The following A1CF variants were observed in gnomAD, a reference collection of about 807,000 sequenced individuals.
The protein encoded by A1CF is APOBEC-1 stimulating protein.
Under a neutral mutation model 68.9 loss-of-function variants are expected in A1CF, and 48 were observed. The ratio of observed to expected loss-of-function variants is 0.70; its 90% confidence interval spans 0.55 to 0.89. A1CF has a LOEUF of 0.89. A1CF is among the 40% of genes least tolerant of loss of function. A1CF has a pLI of 0.00. For missense variants in A1CF, 653 were observed against 718.9 expected (o/e 0.91, Z 1.05); for synonymous variants, 272 against 260.4 (o/e 1.04, Z -0.43).
intron 7 of A1CF, among the ~76,000 whole-genome samples, chr10:50,825,866 TG>T (rs1171739033): frequency 2.0e-5 from 3 of 152,176 alleles, no homozygotes; most frequent in Non-Finnish European, 4.4e-5. Flanking sequence ...GGTTCTCAAC[TG>T]GGGGCAATTT....
intron 3 of A1CF, among the ~76,000 whole-genome samples, chr10:50,849,836 C>G (rs1187014935): frequency 6.8e-6 from 1 of 147,080 alleles, no homozygotes; most frequent in Non-Finnish European, 1.5e-5. Flanking sequence ...CTCTGTCGCC[C>G]AGGCTGGAGT....
In A1CF at chr10:50,801,116, T is replaced by C; in HGVS notation, c.*5613A>G. ...TAATAATGACTAGCTTGCTCTGCCA[T>C]ATGAAGGCAGAACTCAGGACTCACA... On this transcript the variant is annotated 3_prime_UTR_variant, in exon 13 of 13. Coordinates refer to ENST00000373997, the MANE Select transcript of A1CF (RefSeq NM_014576.4). 1 of 152,302 alleles carries C rather than the reference T, an allele frequency of 6.6e-6. No homozygotes were observed. The highest frequency in any genetic ancestry group is 1.5e-5 in the Non-Finnish European group (1 of 68,094). 9.4% of individuals were successfully genotyped at this position (152,302 alleles called of 1,614,324 possible). A position where few individuals can be genotyped will look rare whatever the true frequency, so the allele number is the denominator to read the frequency against.
At chr10:50,835,497 G>A (rs1180000173) in intron 6 of A1CF, among the ~76,000 whole-genome samples, 1 of 152,164 alleles carries the variant, frequency 6.6e-6, no homozygotes, top group Non-Finnish European at 1.5e-5. Flanking sequence ...GACCGAGGCA[G>A]TGTTGGGGTG....
chr10:50,862,481 T>C (rs1275071079), intron 2 of A1CF, among the ~76,000 whole-genome samples: 1 of 152,176 alleles, frequency 6.6e-6, no homozygotes, highest in Non-Finnish European at 1.5e-5. Context: ...TATATAAACA[T>C]GGATATTCTT....
intron 1 of A1CF, among the ~76,000 whole-genome samples, chr10:50,882,136 T>G (rs1841804519): frequency 6.6e-6 from 1 of 152,128 alleles, no homozygotes; most frequent in Non-Finnish European, 1.5e-5. Context: ...TTCTAAGTGG[T>G]CATTAAAACT....
At chr10:50,821,124 T>C (rs888847679) in intron 7 of A1CF, among the ~76,000 whole-genome samples, 2 of 152,198 alleles carry the variant, frequency 1.3e-5, no homozygotes, top group East Asian at 3.8e-4. Flanking sequence ...GTAACTACAG[T>C]TCTGACAAGG....
chr10:50,880,859 T>C (rs1841737216), intron 1 of A1CF, among the ~76,000 whole-genome samples: 1 of 152,238 alleles, frequency 6.6e-6, no homozygotes, highest in Admixed American at 6.5e-5. Context: ...TTCACTGTGT[T>C]AGTCACAGCA....
In A1CF at chr10:50,828,009, C is replaced by T. The variant is rs1418960538; in HGVS notation, c.769+122G>A. ...CTACCGTCAGAGAATACTATAAACA[C>T]CTCTATGCAAATAAACTAGAAATCT... On this transcript the variant is annotated intron_variant, in intron 7 of 12. Transcript: ENST00000373997. 3.4e-5 allele frequency: 22 copies of T among 640,178 alleles called. No individual in the cohort carries two copies. The South Asian group carries it at 4.6e-4, about 13-fold the overall frequency. 39.7% of individuals were successfully genotyped at this position (640,178 alleles called of 1,614,324 possible).
chr10:50,831,302 T>A (rs1423950172), intron 6 of A1CF, among the ~76,000 whole-genome samples: 2 of 151,924 alleles, frequency 1.3e-5, no homozygotes, highest in African/African-American at 4.8e-5. Context: ...AAGGAAACAA[T>A]CAATGGAGTG....
At chr10:50,851,956 T>C (rs566466910) in intron 3 of A1CF, among the ~76,000 whole-genome samples, 59 of 152,358 alleles carry the variant, frequency 3.9e-4, no homozygotes, top group African/African-American at 1.4e-3. Context: ...TTGCATCTCA[T>C]AATGCTAAGC....
chr10:50,855,159 G>A (rs1042154478), intron 3 of A1CF, among the ~76,000 whole-genome samples: 4 of 151,918 alleles, frequency 2.6e-5, no homozygotes, highest in Admixed American at 2.6e-4. Flanking sequence ...CAGGTGAGAG[G>A]AGCATCACAT....
Position 50,806,800 on chromosome 10 carries a change from C to T in A1CF, c.1690G>A (p.Ala564Thr), listed in dbSNP as rs1159251349. Residue 564 changes from alanine (A) to threonine (T), a missense_variant, in exon 13 of 13, where the codon GCA becomes ACA. Coordinates refer to ENST00000373997, the MANE Select transcript of A1CF (RefSeq NM_014576.4). Reference protein sequence around the residue: ...QAVTLGQDLAAYTTYEVYPTF... With the variant: ...QAVTLGQDLATYTTYEVYPTF... ...GGGTAGACCTCATAGGTTGTATATGCTGCTAAGTCTTGTCCAAGGGTTACC... is the reference window on the plus strand; with the variant it reads ...GGGTAGACCTCATAGGTTGTATATGTTGCTAAGTCTTGTCCAAGGGTTACC... 4 of 1,613,426 alleles carry T rather than the reference C, an allele frequency of 2.5e-6. No individual in the cohort carries two copies. The highest frequency in any genetic ancestry group is 3.4e-6 in the Non-Finnish European group (4 of 1,179,710).
chr10:50,848,255 A>T (rs1047582901), intron 3 of A1CF, among the ~76,000 whole-genome samples: 7 of 152,214 alleles, frequency 4.6e-5, no homozygotes, highest in African/African-American at 1.7e-4. Flanking sequence ...TTAACACAAT[A>T]TACTAACTTT....
intron 5 of A1CF, among the ~76,000 whole-genome samples, chr10:50,841,001 T>A (rs1839748889): frequency 6.6e-6 from 1 of 152,194 alleles, no homozygotes; most frequent in African/African-American, 2.4e-5. Context: ...ATGGACCCCC[T>A]CATCCAACTA....
intron 2 of A1CF, among the ~76,000 whole-genome samples, chr10:50,863,161 G>T (rs1185893503): frequency 1.3e-5 from 2 of 152,106 alleles, no homozygotes; most frequent in African/African-American, 4.8e-5. Flanking sequence ...GGGAATCAGG[G>T]CATGGAAATA....
chr10:50,830,886 A>G (rs1387766980), intron 6 of A1CF, among the ~76,000 whole-genome samples: 2 of 152,204 alleles, frequency 1.3e-5, no homozygotes, highest in Admixed American at 6.5e-5. Flanking sequence ...AGTAATCAAA[A>G]TAGTATGATA....
rs1442977715 is a variant in A1CF at position 50,802,801 on chromosome 10, C to G, written c.*3928G>C. 1 of 152,128 alleles carries G rather than the reference C, an allele frequency of 6.6e-6. No homozygotes were observed. Among genetic ancestry groups the G allele is most frequent in the Non-Finnish European group, 1.5e-5 (1 of 68,028 alleles). The allele number at this position is 152,128 out of a possible 1,614,324, so 9.4% of individuals were successfully genotyped here. ...ATTCTACAAATGGCACACCTAAGAACCTCCCTGTCTATGTGGATTCTAACT... is the reference window on the plus strand; with the variant it reads ...ATTCTACAAATGGCACACCTAAGAAGCTCCCTGTCTATGTGGATTCTAACT... On this transcript the variant is annotated 3_prime_UTR_variant, in exon 13 of 13. Coordinates refer to ENST00000373997, the MANE Select transcript of A1CF (RefSeq NM_014576.4).
Position 50,841,902 on chromosome 10 carries a change from C to G in A1CF, c.325G>C (p.Ala109Pro). ...TTAAGTTGCTTGATTGCATTCTTGG[C>G]TTCCACTTTATTTGAAAATGTTACA... ...AFVTFSNKVE[A>P]KNAIKQLNNY... is the part of the protein sequence containing the mutation. The change falls in exon 5 of 13, where the codon GCC becomes CCC. Residue 109 changes from alanine (A) to proline (P), a missense_variant. Transcript: ENST00000373997. The G allele has an allele frequency of 6.2e-7, 1 of 1,613,350 alleles. No homozygotes were observed. Among genetic ancestry groups the G allele is most frequent in the Non-Finnish European group, 8.5e-7 (1 of 1,179,730 alleles).
In A1CF at chr10:50,806,979, G is replaced by A. The variant is rs571333850; in HGVS notation, c.1610-99C>T. The A allele has an allele frequency of 1.7e-4, 211 of 1,230,552 alleles. 1 individual carries two copies. The highest frequency in any genetic ancestry group is 2.2e-4 in the Non-Finnish European group (197 of 885,430). 76.2% of individuals were successfully genotyped at this position (1,230,552 alleles called of 1,614,324 possible). On this transcript the variant is annotated intron_variant, in intron 12 of 12. Coordinates refer to ENST00000373997, the MANE Select transcript of A1CF (RefSeq NM_014576.4). ...TAGAAATACGAACATTTAACATATT[G>A]CTTAAAGCTAAAAGTTAATATATAT...
Sources: allele counts gnomAD v4.1 joint callset (sites outside exome capture counted in the v4.1 genomes callset), GRCh38; gene constraint gnomAD v4.1.1; transcripts MANE v1.5; gene names NCBI Gene and HGNC (gene_info 2026-07-23, HGNC 2026-07-21).